The following GALNTL6 variants were observed in gnomAD, a reference collection of about 807,000 sequenced individuals.
GALNTL6 encodes the protein polypeptide N-acetylgalactosaminyltransferase like 6.
In GALNTL6, 46 loss-of-function variants were observed where a neutral mutation model predicts 73.7. The observed-to-expected ratio is 0.62, with a 90% CI of 0.49 to 0.80. The LOEUF is 0.80. Ranked by LOEUF, GALNTL6 falls within the 30% of genes least tolerant of loss-of-function variation. The pLI is 0.00. For missense variants in GALNTL6, 604 were observed against 755.0 expected (o/e 0.80, Z 2.34); for synonymous variants, 259 against 263.7 (o/e 0.98, Z 0.17).
At chr4:172,922,753 T>C (rs534539912) in intron 8 of GALNTL6, among the ~76,000 whole-genome samples, 1 of 152,358 alleles carries the variant, frequency 6.6e-6, no homozygotes, top group South Asian at 2.1e-4. Flanking sequence ...GTCTTCTATG[T>C]GCTGAACCCT....
intron 5 of GALNTL6, among the ~76,000 whole-genome samples, chr4:172,691,406 A>G (rs1388461113): frequency 2.0e-5 from 3 of 152,178 alleles, no homozygotes; most frequent in Non-Finnish European, 4.4e-5. Context: ...CTGATTAAGT[A>G]TTGCACTGGG....
rs1368362706 is a variant in GALNTL6 at position 172,809,134 on chromosome 4, T to C, written c.554-227T>C. On this transcript the variant is annotated intron_variant, in intron 5 of 12. Coordinates refer to ENST00000506823, the MANE Select transcript of GALNTL6 (RefSeq NM_001034845.3). This position sits in a 1 kb window ranked among gnomAD's most constrained non-coding sequence, Gnocchi z 4.4. ...GTAACTGCATAACAGACCTCTGGCA[T>C]GTCAGTGACTTTTGTGTTCAAAAAA... Among the ~76,000 whole-genome samples the C allele has an allele frequency of 6.6e-6, 1 of 152,148 alleles. No homozygotes were observed. Among genetic ancestry groups the C allele is most frequent in the Non-Finnish European group, 1.5e-5 (1 of 68,008 alleles).
intron 2 of GALNTL6, among the ~76,000 whole-genome samples, chr4:172,217,976 C>A (rs1373508139): frequency 6.6e-6 from 1 of 152,086 alleles, no homozygotes; most frequent in Admixed American, 6.6e-5. Context: ...CTAAGGACTC[C>A]TCTTTATATA....
chr4:172,317,738 C>T (rs554272045), intron 4 of GALNTL6, among the ~76,000 whole-genome samples: 8 of 152,064 alleles, frequency 5.3e-5, no homozygotes, highest in South Asian at 2.1e-4. Flanking sequence ...TGAGTTTAAC[C>T]GTCCAAAAAT....
chr4:172,558,941 A>G (rs7694721), intron 5 of GALNTL6, among the ~76,000 whole-genome samples: 6,813 of 151,330 alleles, frequency 0.045, 480 homozygotes, highest in African/African-American at 0.15. Context: ...CCATTTGTTT[A>G]TTCAGTGCTT....
At chr4:171,845,472 A>G (rs1161601581) in intron 2 of GALNTL6, among the ~76,000 whole-genome samples, 1 of 152,212 alleles carries the variant, frequency 6.6e-6, no homozygotes, top group East Asian at 1.9e-4. Context: ...GTGGGAATAT[A>G]GGAAGTGGCT....
intron 2 of GALNTL6, among the ~76,000 whole-genome samples, chr4:171,831,954 T>A (rs772619291): frequency 2.0e-5 from 3 of 151,486 alleles, no homozygotes; most frequent in Non-Finnish European, 4.4e-5. Flanking sequence ...TAATACTTTA[T>A]ATGATTGTAT....
At chr4:171,819,280 G>A (rs185964534) in intron 2 of GALNTL6, among the ~76,000 whole-genome samples, 150 of 152,192 alleles carry the variant, frequency 9.9e-4, no homozygotes, top group African/African-American at 3.4e-3. Flanking sequence ...GGCACCACAC[G>A]GAACACTGTA....
chr4:171,921,573 G>A (rs1737788244), intron 2 of GALNTL6, among the ~76,000 whole-genome samples: 1 of 152,016 alleles, frequency 6.6e-6, no homozygotes, highest in African/African-American at 2.4e-5. Flanking sequence ...AAAGATTATT[G>A]TATCTTCAAT....
intron 5 of GALNTL6, among the ~76,000 whole-genome samples, chr4:172,410,008 T>C (rs1744374563): frequency 6.6e-6 from 1 of 152,000 alleles, no homozygotes; most frequent in African/African-American, 2.4e-5. Flanking sequence ...TATTTCTAGA[T>C]TTTTCTACTT....
Position 172,348,668 on chromosome 4 carries a change from G to A in GALNTL6, c.532G>A (p.Val178Ile), listed in dbSNP as rs1158075748. 1.9e-6 allele frequency: 3 copies of A among 1,609,896 alleles called. No individual in the cohort carries two copies. Among genetic ancestry groups the A allele is most frequent in the Non-Finnish European group, 2.5e-6 (3 of 1,177,518 alleles). Residue 178 changes from valine (V) to isoleucine (I), a missense_variant, in exon 5 of 13, where the codon GTA becomes ATA. By Grantham distance (29) the Val-to-Ile change is conservative. Coordinates refer to ENST00000506823, the MANE Select transcript of GALNTL6 (RefSeq NM_001034845.3). ...PGSLIAEIILVDDFSEREHLK... is the reference protein window; with the variant it reads ...PGSLIAEIILIDDFSEREHLK... ...GAGTCTGATAGCAGAAATCATTCTA[G>A]TAGATGACTTCAGTGAGAGAGGTAA...
chr4:173,028,564 C>T (rs1753327903), intron 12 of GALNTL6, among the ~76,000 whole-genome samples: 4 of 152,122 alleles, frequency 2.6e-5, no homozygotes, highest in Admixed American at 2.0e-4. Context: ...CCGCCAACTA[C>T]CTGAGGGCAA....
intron 5 of GALNTL6, among the ~76,000 whole-genome samples, chr4:172,651,359 G>T (rs1439723910): frequency 6.6e-6 from 1 of 152,146 alleles, no homozygotes; most frequent in Non-Finnish European, 1.5e-5. Flanking sequence ...CAATTTTATT[G>T]CAGTCAAACA....
At chr4:172,886,668 C>G (rs1228113861) in intron 8 of GALNTL6, among the ~76,000 whole-genome samples, 1 of 151,848 alleles carries the variant, frequency 6.6e-6, no homozygotes. Context: ...GAGGCTGAGA[C>G]AGGAGAATTG....
chr4:172,800,954 A>G (rs1323780195), intron 5 of GALNTL6, among the ~76,000 whole-genome samples: 1 of 152,184 alleles, frequency 6.6e-6, no homozygotes, highest in Non-Finnish European at 1.5e-5. Context: ...TATAAATTCT[A>G]CTCAGATTAC....
intron 1 of GALNTL6, among the ~76,000 whole-genome samples, 173 bp downstream of exon 1, chr4:171,814,163 A>G (rs577324297): frequency 2.0e-5 from 3 of 152,096 alleles, no homozygotes; most frequent in African/African-American, 7.2e-5. Context: ...CTCCCACACT[A>G]AGGAGGTGGG....
rs1317326987 is a variant in GALNTL6 at position 172,361,967 on chromosome 4, A to C, written c.553+13278A>C. On this transcript the variant is annotated intron_variant, in intron 5 of 12. Transcript: ENST00000506823. Reference sequence around the variant, plus strand: ...TTGGCTTGGTACAAAGTAAGCACTCAATAAATTTTGACCATTATTATTCCG... The same window carrying C: ...TTGGCTTGGTACAAAGTAAGCACTCCATAAATTTTGACCATTATTATTCCG... Among the ~76,000 whole-genome samples, 3 of 152,328 alleles carry C rather than the reference A, an allele frequency of 2.0e-5. No individual in the cohort carries two copies. The East Asian group carries it at 5.8e-4, about 29-fold the overall frequency.
intron 5 of GALNTL6, among the ~76,000 whole-genome samples, chr4:172,434,884 C>T (rs1332984323): frequency 6.6e-6 from 1 of 151,992 alleles, no homozygotes; most frequent in East Asian, 1.9e-4. Context: ...TTTATTTTCA[C>T]GTCTATATTT....
At chr4:172,918,373 A>T (rs1375678289) in intron 8 of GALNTL6, among the ~76,000 whole-genome samples, 2 of 151,990 alleles carry the variant, frequency 1.3e-5, no homozygotes, top group Non-Finnish European at 2.9e-5. Context: ...GTACCCTAGA[A>T]CTTAAAGTAT....
Sources: allele counts gnomAD v4.1 joint callset (sites outside exome capture counted in the v4.1 genomes callset), GRCh38; gene constraint gnomAD v4.1.1; non-coding constraint Gnocchi (gnomAD v3.1); transcripts MANE v1.5; gene names NCBI Gene and HGNC (gene_info 2026-07-23, HGNC 2026-07-21).